SNAP91: variants seen among roughly 807,000 people sequenced by gnomAD.
SNAP91 encodes the protein synaptosome associated protein 91.
Under a neutral mutation model 100.3 loss-of-function variants are expected in SNAP91, and 27 were observed. The ratio of observed to expected loss-of-function variants is 0.27; its 90% CI spans 0.20 to 0.37. SNAP91 has a LOEUF of 0.37. Among genes scored for constraint, SNAP91 ranks in the 10% least tolerant of loss-of-function variants. SNAP91 has a pLI of 1.00. For synonymous variants in SNAP91, 404 were observed against 398.6 expected (o/e 1.01, Z -0.16); for missense variants, 986 against 1,123.7 (o/e 0.88, Z 1.75).
At chr6:83,576,155 T>C in intron 24 of SNAP91, 102 bp from the exon 25 acceptor site, 1 of 595,346 alleles carries the variant, frequency 1.7e-6, no homozygotes, top group Non-Finnish European at 2.8e-6. Flanking sequence ...AAAAAGTCCT[T>C]ATTTTGCCTA....
chr6:83,695,026 C>A (rs57395822), intron 2 of SNAP91, among the ~76,000 whole-genome samples: 4,324 of 152,050 alleles, frequency 0.028, 75 homozygotes, highest in East Asian at 0.057. Flanking sequence ...AATCCCAATA[C>A]TTTGGGAGGC....
At chr6:83,670,750 G>GA (rs905073764) in intron 2 of SNAP91, among the ~76,000 whole-genome samples, 7 of 151,440 alleles carry the variant, frequency 4.6e-5, no homozygotes, top group East Asian at 1.9e-4. Context: ...GCCATTTGCT[G>GA]AAAAAAAACT....
intron 20 of SNAP91, 112 bp from the exon 21 acceptor site, chr6:83,592,650 T>C (rs982197849): frequency 1.1e-5 from 9 of 855,784 alleles, no homozygotes; most frequent in Non-Finnish European, 1.7e-5. Flanking sequence ...GCAGAAAGAC[T>C]GTAGACAATC....
At chr6:83,637,709 G>A (rs2097523264) in intron 8 of SNAP91, among the ~76,000 whole-genome samples, 1 of 152,188 alleles carries the variant, frequency 6.6e-6, no homozygotes, top group African/African-American at 2.4e-5. Flanking sequence ...TGTGAAGGGA[G>A]GGACACCCAG....
intron 7 of SNAP91, among the ~76,000 whole-genome samples, chr6:83,655,478 C>T (rs2098377127): frequency 6.6e-6 from 1 of 152,156 alleles, no homozygotes; most frequent in South Asian, 2.1e-4. Flanking sequence ...TGGTACACTC[C>T]AATACAGGCC....
chr6:83,626,371 A>G (rs2096929424), intron 8 of SNAP91, among the ~76,000 whole-genome samples: 1 of 151,984 alleles, frequency 6.6e-6, no homozygotes, highest in Non-Finnish European at 1.5e-5. Context: ...TAAATTTAGA[A>G]TAATTTCTTC....
At chr6:83,666,610 CAATA>C (rs1271071413) in intron 2 of SNAP91, among the ~76,000 whole-genome samples, 1 of 152,096 alleles carries the variant, frequency 6.6e-6, no homozygotes, top group Non-Finnish European at 1.5e-5. Context: ...TTTCTCTTCA[CAATA>C]AATGTTTTTA....
intron 26 of SNAP91, among the ~76,000 whole-genome samples, chr6:83,562,637 T>C (rs1789805160): frequency 6.6e-6 from 1 of 152,162 alleles, no homozygotes. Flanking sequence ...ACCTACTTGA[T>C]TTACCCTACT....
chr6:83,566,949 G>C (rs1797493706), intron 26 of SNAP91, among the ~76,000 whole-genome samples: 1 of 152,104 alleles, frequency 6.6e-6, no homozygotes, highest in Non-Finnish European at 1.5e-5. Context: ...TTTCCGAGAG[G>C]TACCTGATTC....
At chr6:83,571,449 G>A (rs1437139559) in intron 26 of SNAP91, among the ~76,000 whole-genome samples, 2 of 152,136 alleles carry the variant, frequency 1.3e-5, no homozygotes, top group African/African-American at 4.8e-5. Flanking sequence ...ATAAGACTTG[G>A]CGTCAAAGGA....
At chr6:83,696,138 A>T (rs1002236471) in intron 2 of SNAP91, among the ~76,000 whole-genome samples, 5 of 152,194 alleles carry the variant, frequency 3.3e-5, no homozygotes, top group African/African-American at 1.2e-4. Context: ...ACATGAACAC[A>T]CTGCAACCTA....
intron 26 of SNAP91, among the ~76,000 whole-genome samples, chr6:83,572,978 A>G (rs1174435166): frequency 2.6e-5 from 4 of 152,184 alleles, no homozygotes; most frequent in Admixed American, 2.6e-4. Context: ...AATGTTTCAT[A>G]CCTAAGAATG....
chr6:83,621,661 T>C (rs776879473), intron 9 of SNAP91, among the ~76,000 whole-genome samples: 3 of 152,158 alleles, frequency 2.0e-5, no homozygotes, highest in Non-Finnish European at 4.4e-5. Flanking sequence ...CATGCTCTCA[T>C]TGTCTAATGT....
intron 9 of SNAP91, among the ~76,000 whole-genome samples, chr6:83,619,394 T>G (rs1202721725): frequency 6.6e-6 from 1 of 152,234 alleles, no homozygotes; most frequent in Admixed American, 6.5e-5. Context: ...CATCCGGGCA[T>G]GCAGTAGACA....
intron 2 of SNAP91, among the ~76,000 whole-genome samples, chr6:83,697,292 C>T (rs2099228039): frequency 6.7e-6 from 1 of 149,982 alleles, no homozygotes; most frequent in African/African-American, 2.5e-5. Flanking sequence ...AACAATGCTG[C>T]CCAACTGTAT....
intron 9 of SNAP91, among the ~76,000 whole-genome samples, chr6:83,620,786 A>G (rs1287039526): frequency 6.6e-6 from 1 of 151,148 alleles, no homozygotes; most frequent in Non-Finnish European, 1.5e-5. Context: ...ATCTCGGCTC[A>G]CTGTAAGCTC....
At chr6:83,699,547 A>C (rs2099265456) in intron 2 of SNAP91, among the ~76,000 whole-genome samples, 1 of 152,184 alleles carries the variant, frequency 6.6e-6, no homozygotes, top group Non-Finnish European at 1.5e-5. Context: ...TACGGATGTA[A>C]TAAAGTCTAA....
At chr6:83,557,037 A>C (rs1779908655) in intron 28 of SNAP91, among the ~76,000 whole-genome samples, 1 of 152,212 alleles carries the variant, frequency 6.6e-6, no homozygotes, top group African/African-American at 2.4e-5. Context: ...GACTTGTTGC[A>C]AAAGTAACAA....
intron 1 of SNAP91, 46 bp from the exon 2 acceptor site, chr6:83,708,003 T>C (rs913465457): frequency 1.1e-5 from 16 of 1,460,800 alleles, no homozygotes; most frequent in African/African-American, 1.5e-5. Context: ...CCGCAGACCC[T>C]ACCCTCCAAG....
Sources: gnomAD v4.1 joint callset for allele counts (sites outside exome capture counted in the v4.1 genomes callset) on GRCh38, gnomAD v4.1.1 for gene constraint, MANE v1.5 for transcripts, NCBI Gene and HGNC (gene_info 2026-07-23, HGNC 2026-07-21) for gene names.